Variants in PANX3 observed in about 807,000 individuals in gnomAD.
PANX3 encodes the protein pannexin 3.
A neutral mutation model predicts 31.5 loss-of-function variants in PANX3; 18 were observed. The ratio of observed to expected loss-of-function variants is 0.57; its 90% confidence interval spans 0.39 to 0.85. The LOEUF is 0.85. PANX3 is among the 40% of genes least tolerant of loss of function. PANX3 has a pLI of 0.00. For synonymous variants in PANX3, 194 were observed against 201.6 expected, an observed-to-expected ratio of 0.96 and a Z score of 0.32; for missense variants, 426 against 485.4, an observed-to-expected ratio of 0.88 and a Z score of 1.15.
intron 2 of PANX3, 114 bp from the exon 3 acceptor site, chr11:124,617,160 A>G (rs1863162153): frequency 4.4e-6 from 4 of 900,252 alleles, no homozygotes; most frequent in South Asian, 3.2e-5. Context: ...CCATTCCCCA[A>G]ACAGCCTTCC....
intron 2 of PANX3, among the ~76,000 whole-genome samples, chr11:124,614,167 T>TAAA (rs71042444): frequency 1.6e-4 from 12 of 73,450 alleles, no homozygotes; most frequent in South Asian, 4.6e-4. Flanking sequence ...ATCTAAATGG[T>TAAA]AAAAAAAAAA....
In PANX3 at chr11:124,620,136, G is replaced by A. The variant is rs1283209522; in HGVS notation, c.*201G>A. ...GACATGGAAATAAATGTGAAAGCTG[G>A]AGCCGAAGAGTCAAAGAGCTAAAAA... On this transcript the variant is annotated 3_prime_UTR_variant, in exon 4 of 4. Transcript: ENST00000284288. 2 of 622,834 alleles carry A rather than the reference G, an allele frequency of 3.2e-6. No homozygotes were observed. The highest frequency in any genetic ancestry group is 5.2e-6 in the Non-Finnish European group (2 of 382,724). The allele number at this position is 622,834 out of a possible 1,614,324, so 38.6% of individuals were successfully genotyped here.
rs138833072 is a variant in PANX3, at chr11:124,613,070, A to G, written c.272A>G (p.His91Arg). Residue 91 changes from histidine to arginine, a missense_variant, in exon 2 of 4, where the codon CAT becomes CGT. Transcript: ENST00000284288. ...TCCTGCTGGGACTCACTGCTTCACCATAAGCAGGACGGGCCTGGCCAGGAC... is the reference window on the plus strand; with the variant it reads ...TCCTGCTGGGACTCACTGCTTCACCGTAAGCAGGACGGGCCTGGCCAGGAC... Reference protein sequence around the residue: ...DSSCWDSLLHHKQDGPGQDKM... With the variant: ...DSSCWDSLLHRKQDGPGQDKM... 177 of 1,614,140 alleles carry G rather than the reference A, an allele frequency of 1.1e-4. No homozygotes were observed. The African/African-American group carries it at 2.0e-3, about 19-fold the overall frequency.
chr11:124,611,444 CTGG>C lies in PANX3; in HGVS notation c.-112_-110del. The stretch of plus-strand genomic sequence containing the variant: ...GCTCCCAGCAGAGATATCCATAAGG[CTGG>C]GGTGGCAGGCACTGTCTGCCCAAAG... On this transcript the variant is annotated 5_prime_UTR_variant, in exon 1 of 4. Transcript: ENST00000284288. 1.1e-6 allele frequency: 1 copy of C among 942,626 alleles called. No individual in the cohort carries two copies. The highest frequency in any genetic ancestry group is 2.7e-5 in the Admixed American group (1 of 36,460). 58.4% of individuals were successfully genotyped at this position (942,626 alleles called of 1,614,324 possible).
Position 124,617,169 on chromosome 11 carries a change from C to T in PANX3, c.325-105C>T, listed in dbSNP as rs75493408. On this transcript the variant is annotated intron_variant, in intron 2 of 3. Transcript: ENST00000284288. Reference sequence around the variant, plus strand: ...GCTAGCCCATTCCCCAAACAGCCTTCCCCTGCTGAGGCAGGAACAGGGGAA... The same window carrying T: ...GCTAGCCCATTCCCCAAACAGCCTTTCCCTGCTGAGGCAGGAACAGGGGAA... 915 of 952,436 alleles carry T rather than the reference C, an allele frequency of 9.6e-4. 5 individuals are homozygous for T. In the African/African-American group the frequency reaches 0.013, roughly 13 times the overall value. 59.0% of individuals were successfully genotyped at this position (952,436 alleles called of 1,614,324 possible).
intron 2 of PANX3, among the ~76,000 whole-genome samples, chr11:124,613,920 C>A (rs1045023158): frequency 2.2e-4 from 34 of 152,108 alleles, no homozygotes; most frequent in Non-Finnish European, 7.4e-5. Flanking sequence ...CTTGTCTCCT[C>A]TCCTGTTCTC....
At chr11:124,619,047 C>T (rs1186528504) in intron 3 of PANX3, among the ~76,000 whole-genome samples, 5 of 152,142 alleles carry the variant, frequency 3.3e-5, no homozygotes, top group Admixed American at 2.0e-4. Flanking sequence ...GGCAGAAATC[C>T]AGTGTAATAA....
Position 124,620,140 on chromosome 11 carries a change from C to G in PANX3, c.*205C>G, listed in dbSNP as rs954590343. 3 of 603,982 alleles carry G rather than the reference C, an allele frequency of 5.0e-6. No individual in the cohort carries two copies. The African/African-American group carries it at 5.6e-5, about 11-fold the overall frequency. 37.4% of individuals were successfully genotyped at this position (603,982 alleles called of 1,614,324 possible). On this transcript the variant is annotated 3_prime_UTR_variant, in exon 4 of 4. Transcript: ENST00000284288. ...TGGAAATAAATGTGAAAGCTGGAGC[C>G]GAAGAGTCAAAGAGCTAAAAAATTA...
At position 124,616,486 on chromosome 11, in the gene PANX3, G is replaced by C. The variant is rs1434469314; in HGVS notation, c.325-788G>C. Among the ~76,000 whole-genome samples the C allele has an allele frequency of 2.6e-5, 4 of 152,162 alleles. No homozygotes were observed. Among genetic ancestry groups the C allele is most frequent in the Non-Finnish European group, 5.9e-5 (4 of 68,038 alleles). On this transcript the variant is annotated intron_variant, in intron 2 of 3. Transcript: ENST00000284288. The surrounding 1 kb of genome is among the most constrained non-coding windows in gnomAD (Gnocchi z 4.8). ...CCACAACAACCCCATTTCCAAATAA[G>C]GTTTCATTCTGAGGTACTGAGAATT...
chr11:124,612,160 G>A (rs190013163), intron 1 of PANX3, among the ~76,000 whole-genome samples: 322 of 151,986 alleles, frequency 2.1e-3, no homozygotes, highest in Non-Finnish European at 3.2e-3. Context: ...CCCCTAACCC[G>A]CCAACTCCAG....
chr11:124,613,253 T>C, intron 2 of PANX3, 131 bp downstream of exon 2: 1 of 1,129,342 alleles, frequency 8.9e-7, no homozygotes, highest in Non-Finnish European at 1.2e-6. Context: ...CTTTCATGTT[T>C]CAGGCATTCT....
In PANX3 at chr11:124,619,435, C is replaced by CT. The variant is rs1299070464; in HGVS notation, c.681dup (p.Gly228TrpfsTer24). ...CTTCACCTCCGCCACTTACCTATACCTTGGTCATTTCCATCTGGATGTCTT... is the reference window on the plus strand; with the variant it reads ...CTTCACCTCCGCCACTTACCTATACCTTTGGTCATTTCCATCTGGATGTCTT... On this transcript the variant is annotated frameshift_variant, in exon 4 of 4. Transcript: ENST00000284288. LOFTEE classifies it high-confidence loss of function. 6.2e-7 allele frequency: 1 copy of CT among 1,614,208 alleles called. No homozygotes were observed. The highest frequency in any genetic ancestry group is 1.1e-5 in the South Asian group (1 of 91,084).
chr11:124,611,949 T>TAAAA (rs56856352), intron 1 of PANX3, among the ~76,000 whole-genome samples: 4 of 98,010 alleles, frequency 4.1e-5, no homozygotes, highest in Admixed American at 1.1e-4. Context: ...AATGTTACAG[T>TAAAA]AAAAAAAAAA....
Position 124,619,618 on chromosome 11 carries a change from A to G in PANX3, c.862A>G (p.Ile288Val). 1.2e-6 allele frequency: 2 copies of G among 1,614,178 alleles called. No individual in the cohort carries two copies. The highest frequency in any genetic ancestry group is 1.7e-6 in the Non-Finnish European group (2 of 1,180,044). ...AIYTILVPVI[I>V]YNLTRLCRWD... The stretch of plus-strand genomic sequence containing the variant: ...ATACACCATATTGGTTCCAGTGATA[A>G]TATACAACCTCACACGGCTATGTCG... Residue 288 changes from isoleucine to valine, a missense_variant, in exon 4 of 4, where the codon ATA (isoleucine) becomes GTA (valine). Coordinates refer to ENST00000284288, the MANE Select transcript of PANX3 (RefSeq NM_052959.3).
At chr11:124,611,886 T>TG in intron 1 of PANX3, 149 bp downstream of exon 1, 1 of 718,550 alleles carries the variant, frequency 1.4e-6, no homozygotes, top group Non-Finnish European at 2.0e-6. Flanking sequence ...GGTGCATGAG[T>TG]TCAGGGCACC....
At chr11:124,611,880 C>CCCTG in intron 1 of PANX3, 143 bp downstream of exon 1, 1 of 830,880 alleles carries the variant, frequency 1.2e-6, no homozygotes, top group Non-Finnish European at 1.7e-6. Context: ...GCAGATGGTG[C>CCCTG]ATGAGTTCAG....
chr11:124,613,002 T>C lies in PANX3; in HGVS notation c.204T>C (p.Ser68=). 6.2e-7 allele frequency: 1 copy of C among 1,614,090 alleles called. No homozygotes were observed. The highest frequency in any genetic ancestry group is 1.3e-5 in the African/African-American group (1 of 75,034). ...CAGGGTCTCCGATCAGCTGCTTCTC[T>C]CCCAGTAACTTCAGCATCCGGCAGG... ...FSSGSPISCF[S]PSNFSIRQAA... is the part of the protein sequence containing the mutation. The change falls in exon 2 of 4, where the codon TCT becomes TCC. Residue 68 remains serine (S), a synonymous_variant. Coordinates refer to ENST00000284288, the MANE Select transcript of PANX3 (RefSeq NM_052959.3).
At chr11:124,614,167 TAAAAAAAAAAAAAAAA>T (rs71042444) in intron 2 of PANX3, among the ~76,000 whole-genome samples, 2 of 73,478 alleles carry the variant, frequency 2.7e-5, no homozygotes, top group South Asian at 9.2e-4. Context: ...ATCTAAATGG[TAAAAAAAAAAAAAAAA>T]AAAAAAAAGA....
rs1863195103 is a variant in PANX3, at chr11:124,619,707, G to C, written c.951G>C (p.Lys317Asn). 3.7e-6 allele frequency: 6 copies of C among 1,614,048 alleles called. No individual in the cohort carries two copies. The South Asian group carries it at 5.5e-5, about 15-fold the overall frequency. The change falls in exon 4 of 4, where the codon AAG becomes AAC. Residue 317 changes from lysine to asparagine, a missense_variant. Lys to Asn is a moderately conservative substitution (Grantham distance 94, BLOSUM62 0). Coordinates refer to ENST00000284288, the MANE Select transcript of PANX3 (RefSeq NM_052959.3). ...CAGCTTTTGATCTCCTCAGCAGAAA[G>C]ATGCTAGGATGTCCCATCAATGACC... is the stretch of plus-strand genomic sequence containing the variant. Reference protein sequence around the residue: ...MLPAFDLLSRKMLGCPINDLN... With the variant: ...MLPAFDLLSRNMLGCPINDLN...
Sources: allele counts gnomAD v4.1 joint callset (sites outside exome capture counted in the v4.1 genomes callset), GRCh38; gene constraint gnomAD v4.1.1; non-coding constraint Gnocchi (gnomAD v3.1); transcripts MANE v1.5; gene names NCBI Gene and HGNC (gene_info 2026-07-23, HGNC 2026-07-21).